The following TP63 variants were observed in gnomAD, a reference collection of about 807,000 sequenced individuals.
The protein encoded by TP63 is tumor protein p63.
In TP63, 17 loss-of-function variants were observed where a neutral mutation model predicts 82.8. The observed-to-expected ratio is 0.21, with a 90% CI of 0.14 to 0.31. The LOEUF is 0.31. Among genes scored for constraint, TP63 ranks in the 10% least tolerant of loss-of-function variants. TP63 has a pLI of 1.00. For synonymous variants in TP63, 330 were observed against 321.7 expected (o/e 1.03, Z -0.28); for missense variants, 648 against 895.3 (o/e 0.72, Z 3.52).
intron 10 of TP63, among the ~76,000 whole-genome samples, chr3:189,877,993 G>A (rs1348860000): frequency 1.3e-5 from 2 of 151,914 alleles, no homozygotes; most frequent in Non-Finnish European, 2.9e-5. Context: ...GTGGACCACA[G>A]GCACACCCCA....
At chr3:189,849,209 A>G (rs527447001) in intron 4 of TP63, among the ~76,000 whole-genome samples, 1 of 152,300 alleles carries the variant, frequency 6.6e-6, no homozygotes, top group East Asian at 1.9e-4. Flanking sequence ...CATCCTCTGC[A>G]ACATCCTTTA....
chr3:189,692,335 A>G (rs1369737770), intron 1 of TP63, among the ~76,000 whole-genome samples: 1 of 147,982 alleles, frequency 6.8e-6, no homozygotes, highest in East Asian at 2.0e-4. Context: ...TCTGTTCTCT[A>G]TTTCTTTCTT....
At position 189,808,239 on chromosome 3, in the gene TP63, G is replaced by A. The variant is rs200539672; in HGVS notation, c.325-33G>A. ...TGGAGCAATGATCCGTGGCTTCAGC[G>A]GCTAATATTGGGGTTTCTGGGTGTC... On this transcript the variant is annotated intron_variant, in intron 3 of 13. Coordinates refer to ENST00000264731, the MANE Select transcript of TP63 (RefSeq NM_003722.5). The A allele has an allele frequency of 2.5e-5, 41 of 1,614,154 alleles. 1 individual carries two copies. The highest frequency in any genetic ancestry group is 2.5e-4 in the East Asian group (11 of 44,870).
At chr3:189,725,643 A>G (rs776050201) in intron 1 of TP63, among the ~76,000 whole-genome samples, 1 of 152,148 alleles carries the variant, frequency 6.6e-6, no homozygotes, top group East Asian at 1.9e-4. Flanking sequence ...ATGGGGGCAG[A>G]TGGTGGGGGA....
intron 3 of TP63, among the ~76,000 whole-genome samples, chr3:189,777,662 C>G (rs1723902015): frequency 6.6e-6 from 1 of 151,792 alleles, no homozygotes; most frequent in Non-Finnish European, 1.5e-5. Context: ...TCCTTTCTCT[C>G]TGTTCCCATA....
chr3:189,838,996 G>C (rs550654212), intron 4 of TP63, among the ~76,000 whole-genome samples: 3 of 134,992 alleles, frequency 2.2e-5, no homozygotes, highest in Admixed American at 1.6e-4. Context: ...AGCATTTGCA[G>C]GTTCACTTTT....
At chr3:189,685,378 A>C (rs773525633) in intron 1 of TP63, among the ~76,000 whole-genome samples, 5 of 152,122 alleles carry the variant, frequency 3.3e-5, no homozygotes, top group Non-Finnish European at 5.9e-5. Context: ...GTTTTGGATA[A>C]GTCCAGTATT....
At chr3:189,620,246 C>T in the TP63 span, among the ~76,000 whole-genome samples, 2 of 134,822 alleles carry the variant, frequency 1.5e-5, no homozygotes, top group East Asian at 2.1e-4. Flanking sequence ...TAGTGTGTGC[C>T]GGGCGTGGTG....
At chr3:189,751,948 T>G (rs970394396) in intron 3 of TP63, among the ~76,000 whole-genome samples, 1 of 152,148 alleles carries the variant, frequency 6.6e-6, no homozygotes, top group Non-Finnish European at 1.5e-5. Context: ...AATTGATATA[T>G]CTTATTGTAT....
chr3:189,672,262 A>G (rs1479336785), intron 1 of TP63, among the ~76,000 whole-genome samples: 2 of 152,094 alleles, frequency 1.3e-5, no homozygotes, highest in Non-Finnish European at 2.9e-5. Flanking sequence ...TATCCATATT[A>G]GGAAAAAAAG....
intron 1 of TP63, among the ~76,000 whole-genome samples, chr3:189,685,016 G>T (rs1476380163): frequency 6.6e-6 from 1 of 152,088 alleles, no homozygotes; most frequent in Non-Finnish European, 1.5e-5. Context: ...AGAAGTGAAA[G>T]AGCAAAAGGA....
chr3:189,855,648 T>C (rs1007003435), intron 4 of TP63, among the ~76,000 whole-genome samples: 1 of 152,054 alleles, frequency 6.6e-6, no homozygotes, highest in African/African-American at 2.4e-5. Flanking sequence ...ATATATTAAA[T>C]TATAAAAAGA....
At chr3:189,702,013 G>GCA (rs1428174347) in intron 1 of TP63, among the ~76,000 whole-genome samples, 1 of 152,144 alleles carries the variant, frequency 6.6e-6, no homozygotes, top group Non-Finnish European at 1.5e-5. Flanking sequence ...GAGGGCAAAT[G>GCA]CATTATCTTA....
At chr3:189,703,250 A>T (rs1482137216) in intron 1 of TP63, among the ~76,000 whole-genome samples, 2 of 152,166 alleles carry the variant, frequency 1.3e-5, no homozygotes, top group Non-Finnish European at 2.9e-5. Context: ...CCTGAGCAAA[A>T]CAGTGAAACC....
At chr3:189,779,941 T>A (rs540553604) in intron 3 of TP63, among the ~76,000 whole-genome samples, 7 of 152,332 alleles carry the variant, frequency 4.6e-5, no homozygotes, top group Admixed American at 4.6e-4. Flanking sequence ...TATTTCAGTG[T>A]GGGATTCATG....
intron 10 of TP63, among the ~76,000 whole-genome samples, chr3:189,876,251 GC>G (rs1361636086): frequency 6.6e-6 from 1 of 152,160 alleles, no homozygotes; most frequent in African/African-American, 2.4e-5. Flanking sequence ...AGGGGCATAT[GC>G]TAAATGTATT....
upstream of TP63, among the ~76,000 whole-genome samples, chr3:189,628,069 G>C (rs1463072814): frequency 6.6e-6 from 1 of 152,088 alleles, no homozygotes; most frequent in Non-Finnish European, 1.5e-5. Context: ...CCCTCAAGCT[G>C]TTCACAATCC....
At chr3:189,810,047 T>G (rs141698963) in intron 4 of TP63, among the ~76,000 whole-genome samples, 198 of 152,342 alleles carry the variant, frequency 1.3e-3, no homozygotes, top group African/African-American at 4.6e-3. Context: ...CTCTTGTGGT[T>G]TGAGAAGTAA....
intron 1 of TP63, among the ~76,000 whole-genome samples, chr3:189,674,497 G>A (rs930893108): frequency 2.0e-5 from 3 of 152,108 alleles, no homozygotes; most frequent in East Asian, 1.9e-4. Flanking sequence ...ATGATTTATC[G>A]AGGTTACACT....
Sources: allele counts gnomAD v4.1 joint callset (sites outside exome capture counted in the v4.1 genomes callset), GRCh38; gene constraint gnomAD v4.1.1; transcripts MANE v1.5; gene names NCBI Gene and HGNC (gene_info 2026-07-23, HGNC 2026-07-21).